The following ITPKB variants were observed in gnomAD, a reference collection of about 807,000 sequenced individuals.
The protein encoded by ITPKB is inositol-trisphosphate 3-kinase B, also known as IP3 3-kinase B.
A neutral mutation model predicts 69.4 loss-of-function variants in ITPKB; 13 were observed. The observed-to-expected ratio is 0.19, with a 90% CI of 0.12 to 0.30. The LOEUF is 0.30. Ranked by LOEUF, ITPKB falls within the 10% of genes least tolerant of loss-of-function variation. The pLI, the probability that ITPKB is intolerant of heterozygous loss-of-function variation, is 1.00. For synonymous variants in ITPKB, 584 were observed against 513.7 expected (o/e 1.14, Z -1.85); for missense variants, 1,240 against 1,250.5 (o/e 0.99, Z 0.13).
chr1:226,662,028 T>C (rs1669411870), intron 2 of ITPKB, among the ~76,000 whole-genome samples: 1 of 152,146 alleles, frequency 6.6e-6, no homozygotes, highest in African/African-American at 2.4e-5. Flanking sequence ...AGGAGCTACT[T>C]TCTAGTCGGG....
intron 2 of ITPKB, among the ~76,000 whole-genome samples, chr1:226,724,444 A>G (rs1032241668): frequency 6.6e-5 from 10 of 152,188 alleles, no homozygotes; most frequent in African/African-American, 2.4e-4. Context: ...GGCATAAAAT[A>G]CTAACAAATG....
At chr1:226,678,236 C>T (rs78243131) in intron 2 of ITPKB, among the ~76,000 whole-genome samples, 2,394 of 152,224 alleles carry the variant, frequency 0.016, 60 homozygotes, top group East Asian at 0.091. Context: ...AACCAATAAC[C>T]AAATAACATT....
intron 2 of ITPKB, among the ~76,000 whole-genome samples, chr1:226,682,866 G>T (rs553682062): frequency 1.3e-5 from 2 of 152,294 alleles, no homozygotes; most frequent in South Asian, 4.1e-4. Flanking sequence ...TTCTCTGCAA[G>T]TTGAGCCTCA....
chr1:226,669,781 GCAACATACATATAATT>G (rs1291367822), intron 2 of ITPKB, among the ~76,000 whole-genome samples: 2 of 151,694 alleles, frequency 1.3e-5, no homozygotes, highest in Admixed American at 6.6e-5. Flanking sequence ...AGATAACCTG[GCAACATACATATAATT>G]CAACATACAT....
chr1:226,656,018 G>A lies in ITPKB; in HGVS notation c.1933-7247C>T, dbSNP rs139869194. ...CCTGTCCCCACGCCACCTTAGGCCCGCAAGGGTGTCAGCTTCTGCTATTAG... is the reference window on the plus strand; with the variant it reads ...CCTGTCCCCACGCCACCTTAGGCCCACAAGGGTGTCAGCTTCTGCTATTAG... On this transcript the variant is annotated intron_variant, in intron 2 of 7. Transcript: ENST00000429204. Among the ~76,000 whole-genome samples the A allele has an allele frequency of 9.2e-3, 1,405 of 152,284 alleles. 12 individuals are homozygous for A. The highest frequency in any genetic ancestry group is 0.013 in the Non-Finnish European group (892 of 68,026).
At chr1:226,723,002 A>G (rs1457785189) in intron 2 of ITPKB, among the ~76,000 whole-genome samples, 2 of 151,590 alleles carry the variant, frequency 1.3e-5, no homozygotes, top group Admixed American at 1.3e-4. Context: ...TCCTGTGTGT[A>G]GCAGAGTAGA....
At chr1:226,652,706 C>T (rs970350760) in intron 2 of ITPKB, among the ~76,000 whole-genome samples, 7 of 152,238 alleles carry the variant, frequency 4.6e-5, no homozygotes, top group Non-Finnish European at 8.8e-5. Flanking sequence ...TGGCCACCTG[C>T]TCCTGCATCA....
Position 226,736,237 on chromosome 1 carries a change from A to C in ITPKB, c.1222T>G (p.Ser408Ala), listed in dbSNP as rs6667260. 0.49 allele frequency: 751,566 copies of C among 1,544,924 alleles called. 186,764 individuals carry two copies. The highest frequency in any genetic ancestry group is 0.68 in the Admixed American group (33,974 of 49,680). The change falls in exon 2 of 8, where the codon TCC becomes GCC. Residue 408 changes from serine to alanine, a missense_variant. By Grantham distance (99) the Ser-to-Ala change is moderately conservative (BLOSUM62 1). Transcript: ENST00000429204. ...CTGGGCAGCCTGGACCAGCTCAGGG[A>C]ATCAGAGGACTCTGCGCTTTGCACG... ...VSVQSAESSDSLSWSRLPRAL... is the reference protein window; with the variant it reads ...VSVQSAESSDALSWSRLPRAL...
rs1242587460 is a variant in ITPKB, at chr1:226,641,188, T to C, written c.2451+733A>G. 2.6e-5 allele frequency among the ~76,000 whole-genome samples: 4 copies of C among 152,278 alleles called. No individual in the cohort carries two copies. The highest frequency in any genetic ancestry group is 1.5e-5 in the Non-Finnish European group (1 of 68,008). On this transcript the variant is annotated intron_variant, in intron 5 of 7. Coordinates refer to ENST00000429204, the MANE Select transcript of ITPKB (RefSeq NM_002221.4). This position sits in a 1 kb window ranked among gnomAD's most constrained non-coding sequence, Gnocchi z 4.6. Reference sequence around the variant, plus strand: ...CAGTCACCAATCCAGACAGTGCCAGTTCCCCAATTTATTCTGGGGAAAGTA... The same window carrying C: ...CAGTCACCAATCCAGACAGTGCCAGCTCCCCAATTTATTCTGGGGAAAGTA...
At chr1:226,731,332 TTGA>T (rs1278049372) in intron 2 of ITPKB, among the ~76,000 whole-genome samples, 1 of 152,226 alleles carries the variant, frequency 6.6e-6, no homozygotes. Flanking sequence ...ATGATTTATT[TTGA>T]TGATACTTTT....
chr1:226,645,616 C>T (rs1197212345), intron 4 of ITPKB, among the ~76,000 whole-genome samples: 2 of 152,148 alleles, frequency 1.3e-5, no homozygotes, highest in Non-Finnish European at 2.9e-5. Flanking sequence ...TGGTCACCTG[C>T]GAAGTCCTGC....
chr1:226,698,330 A>C (rs1040066698), intron 2 of ITPKB, among the ~76,000 whole-genome samples: 24 of 152,246 alleles, frequency 1.6e-4, no homozygotes, highest in Admixed American at 6.5e-5. Flanking sequence ...CTGACCTTAG[A>C]GGCCAGAAGG....
At chr1:226,703,529 G>A (rs1275099186) in intron 2 of ITPKB, among the ~76,000 whole-genome samples, 1 of 152,006 alleles carries the variant, frequency 6.6e-6, no homozygotes, top group African/African-American at 2.4e-5. Context: ...TCCCGCGCGC[G>A]CTCTGCCCGC....
intron 2 of ITPKB, among the ~76,000 whole-genome samples, chr1:226,657,921 G>A (rs1236585126): frequency 6.6e-6 from 1 of 152,170 alleles, no homozygotes; most frequent in Non-Finnish European, 1.5e-5. Context: ...CCTTTCAGAT[G>A]GGGGAGGCCT....
At chr1:226,643,963 G>A (rs1382783016) in intron 4 of ITPKB, among the ~76,000 whole-genome samples, 1 of 152,262 alleles carries the variant, frequency 6.6e-6, no homozygotes, top group Non-Finnish European at 1.5e-5. Flanking sequence ...GGCAGGGGCT[G>A]CGTGTGCATC....
intron 2 of ITPKB, among the ~76,000 whole-genome samples, chr1:226,689,877 G>A (rs930934243): frequency 1.6e-4 from 25 of 151,966 alleles, no homozygotes; most frequent in Non-Finnish European, 2.9e-4. Flanking sequence ...TTTGGTTTTC[G>A]GTTCCTGTGT....
intron 2 of ITPKB, among the ~76,000 whole-genome samples, chr1:226,715,880 G>A (rs148877042): frequency 5.3e-5 from 8 of 152,190 alleles, no homozygotes; most frequent in African/African-American, 1.7e-4. Context: ...ACAAGATCTC[G>A]GCTCACTGAA....
At chr1:226,675,658 G>A (rs918880051) in intron 2 of ITPKB, among the ~76,000 whole-genome samples, 14 of 152,148 alleles carry the variant, frequency 9.2e-5, no homozygotes, top group Admixed American at 9.2e-4. Context: ...CCTGCTTCTC[G>A]ATTTCTACTT....
chr1:226,646,255 C>T (rs1052685535), intron 4 of ITPKB, among the ~76,000 whole-genome samples: 2 of 152,212 alleles, frequency 1.3e-5, no homozygotes, highest in South Asian at 2.1e-4. Flanking sequence ...GAGCACCGCA[C>T]GCTGGACACC....
Sources: allele counts gnomAD v4.1 joint callset (sites outside exome capture counted in the v4.1 genomes callset), GRCh38; gene constraint gnomAD v4.1.1; non-coding constraint Gnocchi (gnomAD v3.1); transcripts MANE v1.5; gene names NCBI Gene and HGNC (gene_info 2026-07-23, HGNC 2026-07-21).